The following OCM variants were observed in gnomAD, a reference collection of about 807,000 sequenced individuals.
OCM encodes the protein oncomodulin, also known as oncomodulin-1.
In OCM, 18 loss-of-function variants were observed where a neutral mutation model predicts 14.1. The ratio of observed to expected loss-of-function variants is 1.28; its 90% CI spans 0.88 to 1.89. The LOEUF is 1.89. Among genes scored for constraint, OCM ranks in the 40% most tolerant of loss-of-function variants. The probability of loss-of-function intolerance (pLI) is 0.00; values close to 1 mark genes in which losing one functional copy is unlikely to be tolerated. For synonymous variants in OCM, 48 were observed against 51.0 expected, an observed-to-expected ratio of 0.94 and a Z score of 0.25; for missense variants, 140 against 137.6, an observed-to-expected ratio of 1.02 and a Z score of -0.09.
intron 1 of OCM, 104 bp downstream of exon 1, chr7:5,881,054 C>G (rs1781205504): frequency 1.7e-6 from 2 of 1,157,294 alleles, no homozygotes; most frequent in Non-Finnish European, 2.6e-6. Context: ...CGCAGTGGCT[C>G]ACACCTGTAA....
chr7:5,863,729 T>C, the OCM span, among the ~76,000 whole-genome samples: 19 of 152,016 alleles, frequency 1.2e-4, no homozygotes, highest in Non-Finnish European at 2.5e-4. Flanking sequence ...AGATGGGGTT[T>C]CACCATGTTG....
the OCM span, among the ~76,000 whole-genome samples, chr7:5,869,913 G>A: frequency 3.3e-5 from 5 of 152,186 alleles, no homozygotes; most frequent in Non-Finnish European, 7.4e-5. Context: ...AGGCCCACGC[G>A]CCACGTGTGT....
the OCM span, among the ~76,000 whole-genome samples, chr7:5,868,034 G>A: frequency 2.7e-4 from 41 of 151,826 alleles, no homozygotes; most frequent in Middle Eastern, 3.4e-3. Flanking sequence ...CACCGCACCC[G>A]GCATCTTTTC....
At chr7:5,868,866 C>T in the OCM span, among the ~76,000 whole-genome samples, 1 of 151,896 alleles carries the variant, frequency 6.6e-6, no homozygotes, top group Admixed American at 6.6e-5. Context: ...AGTTCGAAAC[C>T]AGCCTGGCTA....
At chr7:5,870,231 C>A in the OCM span, among the ~76,000 whole-genome samples, 1 of 152,092 alleles carries the variant, frequency 6.6e-6, no homozygotes, top group African/African-American at 2.4e-5. Flanking sequence ...CCACCTCAGG[C>A]TCCTGAATAG....
chr7:5,873,234 G>A, the OCM span, among the ~76,000 whole-genome samples: 1 of 151,898 alleles, frequency 6.6e-6, no homozygotes, highest in African/African-American at 2.4e-5. Flanking sequence ...AAATTCGCAG[G>A]GTATGGTGGC....
upstream of OCM, among the ~76,000 whole-genome samples, chr7:5,880,163 G>T (rs994499947): frequency 1.3e-5 from 2 of 152,178 alleles, no homozygotes; most frequent in African/African-American, 4.8e-5. Flanking sequence ...TCTGCAAGCA[G>T]CCCAAACTGT....
At chr7:5,884,237 G>C (rs1221083258) in intron 3 of OCM, among the ~76,000 whole-genome samples, 1 of 152,126 alleles carries the variant, frequency 6.6e-6, no homozygotes, top group East Asian at 1.9e-4. Flanking sequence ...TTGTCTATGA[G>C]CTGCAAAATA....
At chr7:5,871,715 G>C in the OCM span, 1 of 152,262 alleles carries the variant, frequency 6.6e-6, no homozygotes, top group African/African-American at 2.4e-5. Context: ...CTTTGAACAA[G>C]AGGACTTGGA....
chr7:5,863,002 G>A, the OCM span, among the ~76,000 whole-genome samples: 1 of 152,160 alleles, frequency 6.6e-6, no homozygotes, highest in East Asian at 1.9e-4. Flanking sequence ...TATGTAAAAT[G>A]TAGATTTACT....
the OCM span, among the ~76,000 whole-genome samples, chr7:5,869,031 C>T: frequency 6.6e-6 from 1 of 152,090 alleles, no homozygotes; most frequent in African/African-American, 2.4e-5. Context: ...CCATTGTACT[C>T]CAGCCTGGGC....
the OCM span, among the ~76,000 whole-genome samples, chr7:5,868,969 G>A: frequency 6.6e-6 from 1 of 151,990 alleles, no homozygotes; most frequent in Non-Finnish European, 1.5e-5. Context: ...AGGCTGAGAT[G>A]GGAGAATTGC....
the OCM span, among the ~76,000 whole-genome samples, chr7:5,868,966 G>A: frequency 6.6e-6 from 1 of 152,156 alleles, no homozygotes; most frequent in African/African-American, 2.4e-5. Context: ...GGGAGGCTGA[G>A]ATGGGAGAAT....
chr7:5,879,057 C>T (rs1313273408), upstream of OCM, among the ~76,000 whole-genome samples: 11 of 151,836 alleles, frequency 7.2e-5, no homozygotes, highest in Non-Finnish European at 1.6e-4. Context: ...AAAAATTAGC[C>T]AGGCATGGTG....
chr7:5,868,340 G>T, the OCM span, among the ~76,000 whole-genome samples: 21 of 151,866 alleles, frequency 1.4e-4, no homozygotes, highest in African/African-American at 4.8e-4. Context: ...AGAGATGGGG[G>T]TCTCACTATG....
the OCM span, among the ~76,000 whole-genome samples, chr7:5,869,510 A>C: frequency 6.6e-6 from 1 of 152,144 alleles, no homozygotes; most frequent in South Asian, 2.1e-4. Flanking sequence ...AGACAGAAGA[A>C]TCACTTGAAC....
intron 3 of OCM, among the ~76,000 whole-genome samples, chr7:5,885,596 T>C (rs373280122): frequency 6.6e-6 from 1 of 151,728 alleles, no homozygotes. Context: ...CAGGGTTTTT[T>C]TTTCTTTCTT....
chr7:5,880,743 A>T, upstream of OCM: 1 of 688,174 alleles, frequency 1.5e-6, no homozygotes, highest in South Asian at 2.1e-5. Context: ...TGGGTGACAG[A>T]GTGAGACTCC....
At chr7:5,864,531 A>G in the OCM span, among the ~76,000 whole-genome samples, 8 of 152,054 alleles carry the variant, frequency 5.3e-5, no homozygotes, top group Non-Finnish European at 1.2e-4. Context: ...AATCGTTAGT[A>G]AAAGCTCAAC....
Sources: gnomAD v4.1 joint callset for allele counts (sites outside exome capture counted in the v4.1 genomes callset) on GRCh38, gnomAD v4.1.1 for gene constraint, MANE v1.5 for transcripts, NCBI Gene and HGNC (gene_info 2026-07-23, HGNC 2026-07-21) for gene names.